DDRGK1: variants seen among roughly 807,000 people sequenced by gnomAD.
DDRGK1 encodes DDRGK domain-containing protein 1.
DDRGK1 carries 38 observed loss-of-function variants against 45.8 expected under a neutral mutation model. That is an observed-to-expected ratio of 0.83 (90% CI 0.64 to 1.09). The LOEUF is 1.09. DDRGK1 is among the 50% of genes least tolerant of loss of function. DDRGK1 has a pLI of 0.00. For missense variants in DDRGK1, 403 were observed against 419.9 expected (o/e 0.96, Z 0.35); for synonymous variants, 171 against 168.7 (o/e 1.01, Z -0.11).
In DDRGK1 at chr20:3,190,650, G is replaced by C. The variant is rs1180719082; in HGVS notation, c.*3C>G. 1 of 1,613,376 alleles carries C rather than the reference G, an allele frequency of 6.2e-7. No individual in the cohort carries two copies. The highest frequency in any genetic ancestry group is 2.2e-5 in the East Asian group (1 of 44,888). On this transcript the variant is annotated 3_prime_UTR_variant, in exon 9 of 9. Coordinates refer to ENST00000354488, the MANE Select transcript of DDRGK1 (RefSeq NM_023935.3). Reference sequence around the variant, plus strand: ...CTCTGAGTCCAAGAGGGAAGGACTGGGGTCAGGCTGGGGCTTGGGCAGGGG... The same window carrying C: ...CTCTGAGTCCAAGAGGGAAGGACTGCGGTCAGGCTGGGGCTTGGGCAGGGG...
chr20:3,204,536 C>T lies in DDRGK1; in HGVS notation c.91+1G>A, dbSNP rs778600070. On this transcript the variant is annotated splice_donor_variant, in intron 1 of 8. Transcript: ENST00000354488. LOFTEE classifies it high-confidence loss of function. ...AACCCTGGTGCAGCGGCATCTCCTA[C>T]CTGATGCCGCCCGGCCCCGGCTGCG... is the stretch of plus-strand genomic sequence containing the variant. 1.9e-6 allele frequency: 3 copies of T among 1,559,082 alleles called. No individual in the cohort carries two copies. The highest frequency in any genetic ancestry group is 1.7e-4 in the Middle Eastern group (1 of 6,018).
chr20:3,192,798 G>A (rs2066994991), intron 6 of DDRGK1, among the ~76,000 whole-genome samples: 1 of 152,194 alleles, frequency 6.6e-6, no homozygotes, highest in Non-Finnish European at 1.5e-5. Flanking sequence ...CAAATGAGCT[G>A]GGGGAGGACT....
At chr20:3,199,901 A>G in intron 4 of DDRGK1, 100 bp downstream of exon 4, 1 of 1,135,966 alleles carries the variant, frequency 8.8e-7, no homozygotes, top group Non-Finnish European at 1.2e-6. Flanking sequence ...TGCCAGGTCT[A>G]TGGCCCACCT....
intron 4 of DDRGK1, among the ~76,000 whole-genome samples, chr20:3,198,953 G>C (rs1194354478): frequency 7.2e-6 from 1 of 138,086 alleles, no homozygotes; most frequent in Admixed American, 7.5e-5. Flanking sequence ...AGCAGCCTGG[G>C]AAACACGGTG....
At chr20:3,191,730 A>G (rs776198730) in intron 7 of DDRGK1, 35 bp downstream of exon 7, 1 of 1,581,978 alleles carries the variant, frequency 6.3e-7, no homozygotes, top group South Asian at 1.2e-5. Context: ...ACCCCTGGCC[A>G]CACTGCACAC....
At chr20:3,198,712 AAAAAAAAC>A (rs1232395722) in intron 4 of DDRGK1, among the ~76,000 whole-genome samples, 21 of 144,842 alleles carry the variant, frequency 1.4e-4, no homozygotes, top group African/African-American at 1.5e-4. Context: ...AAAAAAAAAA[AAAAAAAAC>A]AAAACAGAAA....
chr20:3,203,612 T>C (rs531430274), intron 1 of DDRGK1, among the ~76,000 whole-genome samples, 196 bp from the exon 2 acceptor site: 1 of 152,306 alleles, frequency 6.6e-6, no homozygotes, highest in East Asian at 1.9e-4. Context: ...GGCTCAGCCC[T>C]TCCCTCGGGC....
rs551794346 is a variant in DDRGK1 at position 3,200,690 on chromosome 20, A to G, written c.296-236T>C. On this transcript the variant is annotated intron_variant, in intron 2 of 8. Coordinates refer to ENST00000354488, the MANE Select transcript of DDRGK1 (RefSeq NM_023935.3). The stretch of plus-strand genomic sequence containing the variant: ...CCATAGGGCAAGGGAAAAGATGAGA[A>G]CTTTAGGCCGGGCACGGTGGCTGAA... 2.8e-3 allele frequency among the ~76,000 whole-genome samples: 422 copies of G among 152,246 alleles called. 3 individuals are homozygous for G. The highest frequency in any genetic ancestry group is 9.8e-3 in the African/African-American group (409 of 41,550).
intron 6 of DDRGK1, 50 bp downstream of exon 6, chr20:3,194,780 A>T (rs758814277): frequency 6.2e-7 from 1 of 1,611,964 alleles, no homozygotes; most frequent in African/African-American, 1.3e-5. Context: ...TCCAACCTGC[A>T]CATGCCAGGC....
intron 3 of DDRGK1, 102 bp from the exon 4 acceptor site, chr20:3,200,204 C>T: frequency 6.7e-7 from 1 of 1,488,100 alleles, no homozygotes; most frequent in South Asian, 1.3e-5. Context: ...AGGGCACAGA[C>T]CCAGGCGGCA....
chr20:3,200,423 C>T lies in DDRGK1; in HGVS notation c.327G>A (p.Ala109=), dbSNP rs148502836. The change falls in exon 3 of 9, where the codon GCG becomes GCA. Residue 109 remains alanine, a synonymous_variant. Transcript: ENST00000354488. The part of the protein sequence containing the change: ...AQEEEGVEKP[A]ETHLSGKIGA... ...CAATTTTCCCCGACAGGTGAGTTTC[C>T]GCTGGCTTCTCGACACCTTCCTCCT... The T allele has an allele frequency of 2.9e-5, 46 of 1,582,436 alleles. No homozygotes were observed. The South Asian group carries it at 3.1e-4, about 11-fold the overall frequency.
chr20:3,197,473 A>C (rs997121635), intron 4 of DDRGK1, among the ~76,000 whole-genome samples: 4 of 152,214 alleles, frequency 2.6e-5, no homozygotes, highest in African/African-American at 9.6e-5. Flanking sequence ...AACATTAGGG[A>C]CAAGTGAAGC....
chr20:3,201,764 TCTC>T (rs1260125775), intron 2 of DDRGK1, among the ~76,000 whole-genome samples: 14 of 149,934 alleles, frequency 9.3e-5, no homozygotes, highest in African/African-American at 3.4e-4. Context: ...TTCACGCCAT[TCTC>T]CTGCCTCAGC....
intron 4 of DDRGK1, among the ~76,000 whole-genome samples, chr20:3,198,378 TGG>T (rs2067020855): frequency 1.6e-5 from 2 of 127,410 alleles, no homozygotes; most frequent in Admixed American, 9.1e-5. Context: ...CACTCCAGCC[TGG>T]AGACAGAGAG....
intron 4 of DDRGK1, 95 bp from the exon 5 acceptor site, chr20:3,195,448 T>C (rs781693175): frequency 2.2e-5 from 32 of 1,468,134 alleles, no homozygotes; most frequent in Non-Finnish European, 2.8e-5. Context: ...CCAGAGCATA[T>C]AGCCCAGCCT....
chr20:3,191,088 C>A (rs1313418859), intron 8 of DDRGK1, 102 bp downstream of exon 8: 2 of 1,474,428 alleles, frequency 1.4e-6, no homozygotes. Flanking sequence ...CCCCTCCCCC[C>A]ATCTTGGGTG....
chr20:3,194,135 G>A (rs2067000099), intron 6 of DDRGK1, among the ~76,000 whole-genome samples: 1 of 152,166 alleles, frequency 6.6e-6, no homozygotes, highest in South Asian at 2.1e-4. Context: ...AGAGGTGGCG[G>A]GAGGATTATG....
intron 2 of DDRGK1, among the ~76,000 whole-genome samples, chr20:3,202,554 C>T (rs961445764): frequency 2.0e-5 from 3 of 152,230 alleles, no homozygotes; most frequent in African/African-American, 7.2e-5. Context: ...TAAAGACCCA[C>T]TGATGCCTGT....
At chr20:3,201,802 C>T (rs1389442661) in intron 2 of DDRGK1, among the ~76,000 whole-genome samples, 4 of 150,134 alleles carry the variant, frequency 2.7e-5, no homozygotes, top group East Asian at 2.0e-4. Context: ...GAACTACAGG[C>T]GCCAGCCACC....
Sources: allele counts gnomAD v4.1 joint callset (sites outside exome capture counted in the v4.1 genomes callset), GRCh38; gene constraint gnomAD v4.1.1; transcripts MANE v1.5; gene names NCBI Gene and HGNC (gene_info 2026-07-23, HGNC 2026-07-21).